Variants in DLC1 observed in about 807,000 individuals in gnomAD.
The protein encoded by DLC1 is rho GTPase-activating protein 7.
A neutral mutation model predicts 140.3 loss-of-function variants in DLC1; 54 were observed. The ratio of observed to expected loss-of-function variants is 0.38; its 90% CI spans 0.31 to 0.48. The LOEUF (loss-of-function observed/expected upper bound fraction) is 0.48, where lower values mean the gene tolerates loss of function less well. Among genes scored for constraint, DLC1 ranks in the 20% least tolerant of loss-of-function variants. The pLI is 0.96. For missense variants in DLC1, 2,536 were observed against 1,907.0 expected, an observed-to-expected ratio of 1.33 and a Z score of -6.14; for synonymous variants, 986 against 728.1, an observed-to-expected ratio of 1.35 and a Z score of -5.70.
At chr8:13,418,358 T>C (rs1172042560) in intron 2 of DLC1, among the ~76,000 whole-genome samples, 7 of 152,240 alleles carry the variant, frequency 4.6e-5, no homozygotes, top group African/African-American at 1.4e-4. Context: ...GTCTAACGTT[T>C]CAGTCTTTAA....
At chr8:13,258,336 A>G (rs1830337674) in intron 5 of DLC1, among the ~76,000 whole-genome samples, 1 of 152,246 alleles carries the variant, frequency 6.6e-6, no homozygotes. Flanking sequence ...ACAGAGAAGT[A>G]CAGGAAAGTA....
chr8:13,578,894 C>G (rs1468718475), intron 1 of DLC1, among the ~76,000 whole-genome samples: 1 of 151,946 alleles, frequency 6.6e-6, no homozygotes, highest in Non-Finnish European at 1.5e-5. Flanking sequence ...ATGGCCATTG[C>G]TGACTGACTC....
At chr8:13,163,030 C>T (rs1824837105) in intron 5 of DLC1, among the ~76,000 whole-genome samples, 1 of 152,154 alleles carries the variant, frequency 6.6e-6, no homozygotes, top group Non-Finnish European at 1.5e-5. Context: ...CACCATGTAG[C>T]CTCTCTAAGT....
At chr8:13,218,750 C>A (rs1038653702) in intron 5 of DLC1, among the ~76,000 whole-genome samples, 1 of 137,240 alleles carries the variant, frequency 7.3e-6, no homozygotes, top group African/African-American at 2.8e-5. Flanking sequence ...ATCATATGAC[C>A]CACCAATTCT....
At chr8:13,507,824 A>C (rs2117237595) in intron 1 of DLC1, among the ~76,000 whole-genome samples, 1 of 152,332 alleles carries the variant, frequency 6.6e-6, no homozygotes, top group Non-Finnish European at 1.5e-5. Flanking sequence ...GAGCCAAGTA[A>C]GGGGAATAAG....
At chr8:13,168,853 G>C (rs1259582321) in intron 5 of DLC1, among the ~76,000 whole-genome samples, 1 of 152,208 alleles carries the variant, frequency 6.6e-6, no homozygotes, top group East Asian at 1.9e-4. Context: ...CCCCACAGCA[G>C]TCAGGAAATG....
rs185996972 is a variant in DLC1 at position 13,586,461 on chromosome 8, A to C, written c.-126+18076T>G. 4.9e-4 allele frequency among the ~76,000 whole-genome samples: 75 copies of C among 152,282 alleles called. 2 individuals carry two copies. In the South Asian group the frequency reaches 0.015, roughly 29 times the overall value. On this transcript the variant is annotated intron_variant, in intron 1 of 1. Transcript: ENST00000631382. ...CTGGTGTCATCAGCAGATGTTAAAG[A>C]TATAAGAAATGTGTTCTCATGGGGG...
chr8:13,100,343 C>A lies in DLC1; in HGVS notation c.1994G>T (p.Arg665Leu), dbSNP rs369369638. 1.2e-6 allele frequency: 2 copies of A among 1,614,198 alleles called. No homozygotes were observed. Among genetic ancestry groups the A allele is most frequent in the African/African-American group, 2.7e-5 (2 of 75,064 alleles). The change falls in exon 9 of 18, where the codon CGC becomes CTC. Residue 665 changes from arginine (R) to leucine (L), a missense_variant. Transcript: ENST00000276297. Reference protein sequence around the residue: ...GHEKTAKSKTRSLLKRMESLK... With the variant: ...GHEKTAKSKTLSLLKRMESLK... ...GCTCTCCATCCGTTTCAGCAGACTG[C>A]GCGTCTTGGACTTGGCAGTTTTTTC...
intron 2 of DLC1, among the ~76,000 whole-genome samples, chr8:13,460,338 C>G (rs906724405): frequency 6.6e-6 from 1 of 152,206 alleles, no homozygotes; most frequent in African/African-American, 2.4e-5. Flanking sequence ...TTTATAACAG[C>G]TCCATGAACA....
At chr8:13,197,357 A>AT (rs996579272) in intron 5 of DLC1, among the ~76,000 whole-genome samples, 88 of 151,328 alleles carry the variant, frequency 5.8e-4, no homozygotes, top group Non-Finnish European at 8.0e-4. Context: ...AATTCAATTT[A>AT]TTTTTTTTGA....
chr8:13,155,132 CT>C (rs34191257), intron 5 of DLC1, among the ~76,000 whole-genome samples: 4,933 of 145,044 alleles, frequency 0.034, 249 homozygotes, highest in African/African-American at 0.11. Context: ...ACTTGCGCTG[CT>C]TTTTTTTTTT....
At chr8:13,371,597 G>C (rs1379061913) in intron 4 of DLC1, among the ~76,000 whole-genome samples, 1 of 122,392 alleles carries the variant, frequency 8.2e-6, no homozygotes, top group Non-Finnish European at 1.7e-5. Flanking sequence ...TTTTTTTTTT[G>C]CTTGGAGAGT....
chr8:13,257,775 A>C (rs565222569), intron 5 of DLC1, among the ~76,000 whole-genome samples: 1 of 152,070 alleles, frequency 6.6e-6, no homozygotes, highest in South Asian at 2.1e-4. Context: ...AGCATGCTGA[A>C]GGTAGAATGT....
intron 1 of DLC1, among the ~76,000 whole-genome samples, chr8:13,535,103 C>A (rs1437948053): frequency 6.6e-6 from 1 of 152,166 alleles, no homozygotes; most frequent in African/African-American, 2.4e-5. Flanking sequence ...AAAGTTCCTT[C>A]CCCTTTGCAG....
At chr8:13,374,391 G>C (rs982845492) in intron 4 of DLC1, among the ~76,000 whole-genome samples, 1 of 152,142 alleles carries the variant, frequency 6.6e-6, no homozygotes, top group South Asian at 2.1e-4. Context: ...CATTGCACCT[G>C]GTGAGGGCCT....
chr8:13,597,274 C>G (rs1228685543), intron 1 of DLC1, among the ~76,000 whole-genome samples: 1 of 151,962 alleles, frequency 6.6e-6, no homozygotes, highest in Non-Finnish European at 1.5e-5. Context: ...TTGCAACTGA[C>G]ATTGGACAAT....
At chr8:13,596,158 G>A (rs937225227) in intron 1 of DLC1, among the ~76,000 whole-genome samples, 5 of 151,954 alleles carry the variant, frequency 3.3e-5, no homozygotes, top group Non-Finnish European at 5.9e-5. Context: ...AATCTCAATG[G>A]TATCACATCT....
chr8:13,286,910 T>C (rs111843240), intron 5 of DLC1, among the ~76,000 whole-genome samples: 60 of 152,264 alleles, frequency 3.9e-4, no homozygotes, highest in African/African-American at 1.4e-3. Context: ...GTACAGGAGA[T>C]GACAGTCTGC....
At chr8:13,566,840 G>A in intron 1 of DLC1, 1 of 1,055,252 alleles carries the variant, frequency 9.5e-7, no homozygotes, top group Non-Finnish European at 1.3e-6. Flanking sequence ...GGCCCGCGTT[G>A]CCAAGACAGC....
Sources: gnomAD v4.1 joint callset for allele counts (sites outside exome capture counted in the v4.1 genomes callset) on GRCh38, gnomAD v4.1.1 for gene constraint, MANE v1.5 for transcripts, NCBI Gene and HGNC (gene_info 2026-07-23, HGNC 2026-07-21) for gene names.